Variants in CDK8 observed in about 807,000 individuals in gnomAD.
The protein encoded by CDK8 is cyclin-dependent kinase 8.
A neutral mutation model predicts 71.5 loss-of-function variants in CDK8; 29 were observed. The ratio of observed to expected loss-of-function variants is 0.41; its 90% confidence interval spans 0.30 to 0.55. The LOEUF is 0.55. CDK8 is among the 20% of genes least tolerant of loss of function. The probability of loss-of-function intolerance (pLI) is 0.37; values close to 1 mark genes in which losing one functional copy is unlikely to be tolerated. For synonymous variants in CDK8, 161 were observed against 192.1 expected, an observed-to-expected ratio of 0.84 and a Z score of 1.34; for missense variants, 288 against 572.6, an observed-to-expected ratio of 0.50 and a Z score of 5.07.
intron 1 of CDK8, among the ~76,000 whole-genome samples, chr13:26,311,042 CTTTTT>C (rs59128256): frequency 6.8e-4 from 93 of 136,044 alleles, no homozygotes; most frequent in Non-Finnish European, 9.0e-4. Context: ...GCACCAATCT[CTTTTT>C]TTTTTTTTTT....
chr13:26,331,638 T>C (rs2137964061), intron 1 of CDK8, among the ~76,000 whole-genome samples: 1 of 152,352 alleles, frequency 6.6e-6, no homozygotes, highest in South Asian at 2.1e-4. Context: ...TGTAGCTTTA[T>C]TGCTGAGTTC....
chr13:26,261,681 A>G (rs762662369), intron 1 of CDK8, among the ~76,000 whole-genome samples: 1 of 152,186 alleles, frequency 6.6e-6, no homozygotes, highest in African/African-American at 2.4e-5. Context: ...TTGTATAGAT[A>G]TACCACATTT....
At chr13:26,319,680 T>C (rs1593260953) in intron 1 of CDK8, among the ~76,000 whole-genome samples, 1 of 117,794 alleles carries the variant, frequency 8.5e-6, no homozygotes, top group African/African-American at 3.0e-5. Flanking sequence ...AAAATCCAAA[T>C]GGCTTTTTTT....
chr13:26,375,023 T>C (rs1874880463), intron 4 of CDK8, among the ~76,000 whole-genome samples: 3 of 152,150 alleles, frequency 2.0e-5, no homozygotes. Context: ...ATATAAATTA[T>C]GGTAAATTCA....
chr13:26,309,995 A>G (rs767110981), intron 1 of CDK8, among the ~76,000 whole-genome samples: 9 of 152,160 alleles, frequency 5.9e-5, no homozygotes, highest in Non-Finnish European at 1.0e-4. Context: ...ACCTCAGGTG[A>G]TCCACCTGCC....
chr13:26,393,996 A>G (rs1875872636), intron 7 of CDK8, among the ~76,000 whole-genome samples: 2 of 152,182 alleles, frequency 1.3e-5, no homozygotes, highest in Admixed American at 6.5e-5. Flanking sequence ...CTTCTCTTAG[A>G]ACAGTCACAA....
chr13:26,308,761 G>A (rs1874151780), intron 1 of CDK8, among the ~76,000 whole-genome samples: 1 of 152,140 alleles, frequency 6.6e-6, no homozygotes, highest in Non-Finnish European at 1.5e-5. Context: ...ACTGCTTCTA[G>A]TTCCTCACTT....
chr13:26,345,263 TACTC>T (rs1205583672), intron 2 of CDK8, among the ~76,000 whole-genome samples: 7 of 152,222 alleles, frequency 4.6e-5, no homozygotes, highest in African/African-American at 1.7e-4. Flanking sequence ...ATAACACTAT[TACTC>T]ACTACTCTGG....
intron 1 of CDK8, among the ~76,000 whole-genome samples, chr13:26,300,433 T>A (rs1021410530): frequency 7.9e-5 from 12 of 152,164 alleles, no homozygotes; most frequent in Non-Finnish European, 1.6e-4. Flanking sequence ...TTAAAACTTA[T>A]GAATTGTTTA....
intron 1 of CDK8, among the ~76,000 whole-genome samples, chr13:26,286,500 A>G (rs1261601497): frequency 6.6e-6 from 1 of 152,218 alleles, no homozygotes; most frequent in East Asian, 1.9e-4. Flanking sequence ...CTCACCTTAT[A>G]CAAAAATCAA....
intron 4 of CDK8, among the ~76,000 whole-genome samples, chr13:26,366,474 C>T (rs925600730): frequency 2.6e-5 from 4 of 151,984 alleles, no homozygotes; most frequent in South Asian, 2.1e-4. Flanking sequence ...AAGAAATGTT[C>T]GTTTATTAAA....
At chr13:26,293,955 C>A (rs1445534135) in intron 1 of CDK8, among the ~76,000 whole-genome samples, 3 of 152,130 alleles carry the variant, frequency 2.0e-5, no homozygotes, top group Non-Finnish European at 4.4e-5. Flanking sequence ...TGGTAACCAC[C>A]ATTCTACTCT....
At chr13:26,374,106 C>G (rs1874830815) in intron 4 of CDK8, among the ~76,000 whole-genome samples, 1 of 150,568 alleles carries the variant, frequency 6.6e-6, no homozygotes, top group Admixed American at 6.6e-5. Context: ...GAGGCTGAGG[C>G]AGGAGAATGG....
chr13:26,254,871 G>A lies in CDK8; in HGVS notation c.128+102G>A. 6.8e-7 allele frequency: 1 copy of A among 1,477,104 alleles called. No individual in the cohort carries two copies. Among genetic ancestry groups the A allele is most frequent in the South Asian group, 1.3e-5 (1 of 78,394 alleles). The allele number at this position is 1,477,104 out of a possible 1,614,324, so 91.5% of individuals were successfully genotyped here. On this transcript the variant is annotated intron_variant, in intron 1 of 12. Coordinates refer to ENST00000381527, the MANE Select transcript of CDK8 (RefSeq NM_001260.3). The surrounding 1 kb of genome is among the most constrained non-coding windows in gnomAD (Gnocchi z 6.7). The stretch of plus-strand genomic sequence containing the variant: ...GCGGGCCGCCGGGGTGCCGGGCTCT[G>A]ACTTCCTCGACGCCGGCCTCTGGCT...
At chr13:26,393,230 G>T in intron 6 of CDK8, 137 bp from the exon 7 acceptor site, 1 of 576,540 alleles carries the variant, frequency 1.7e-6, no homozygotes, top group East Asian at 2.9e-5. Flanking sequence ...GAGTTATTAG[G>T]GAAAGAAAGA....
Position 26,381,803 on chromosome 13 carries a change from T to G in CDK8, c.457-1011T>G, listed in dbSNP as rs376694639. 9.9e-5 allele frequency among the ~76,000 whole-genome samples: 15 copies of G among 152,228 alleles called. No homozygotes were observed. The South Asian group carries it at 1.9e-3, about 19-fold the overall frequency. ...CTATCTTTGGTAGGTGATAGGCTAG[T>G]ATACTACACATTAAACGTTGGCAGT... On this transcript the variant is annotated intron_variant, in intron 4 of 12. Coordinates refer to ENST00000381527, the MANE Select transcript of CDK8 (RefSeq NM_001260.3).
In CDK8 at chr13:26,254,656, T is replaced by C; in HGVS notation, c.15T>C (p.Phe5=). ...AGGCTGTGACAATGGACTATGACTTTAAAGTGAAGCTGAGCAGCGAGCGGG... is the reference window on the plus strand; with the variant it reads ...AGGCTGTGACAATGGACTATGACTTCAAAGTGAAGCTGAGCAGCGAGCGGG... The part of the protein sequence containing the change: MDYD[F]KVKLSSERER... Residue 5 remains phenylalanine (F), a synonymous_variant, in exon 1 of 13, where the codon TTT becomes TTC. Coordinates refer to ENST00000381527, the MANE Select transcript of CDK8 (RefSeq NM_001260.3). The surrounding 1 kb of genome is among the most constrained non-coding windows in gnomAD (Gnocchi z 6.7). 1 of 1,610,830 alleles carries C rather than the reference T, an allele frequency of 6.2e-7. No homozygotes were observed. Among genetic ancestry groups the C allele is most frequent in the Non-Finnish European group, 8.5e-7 (1 of 1,178,546 alleles).
chr13:26,364,556 C>T (rs544051292), intron 4 of CDK8, among the ~76,000 whole-genome samples: 43 of 152,192 alleles, frequency 2.8e-4, no homozygotes, highest in African/African-American at 1.0e-3. Context: ...AGGAAAGTTT[C>T]AGTTTCTTCC....
At position 26,322,813 on chromosome 13, in the gene CDK8, CTTG is replaced by C. The variant is rs139997130; in HGVS notation, c.129-14751_129-14749del. 6.5e-3 allele frequency among the ~76,000 whole-genome samples: 995 copies of C among 152,192 alleles called. 10 individuals carry two copies. The highest frequency in any genetic ancestry group is 0.021 in the African/African-American group (865 of 41,530). On this transcript the variant is annotated intron_variant, in intron 1 of 12. Transcript: ENST00000381527. The stretch of plus-strand genomic sequence containing the variant: ...GGTTTTTCTGAAAGTCTGATCAGGT[CTTG>C]TTAATTTTATTGTGTTTAACACTGT...
Sources: gnomAD v4.1 joint callset for allele counts (sites outside exome capture counted in the v4.1 genomes callset) on GRCh38, gnomAD v4.1.1 for gene constraint, Gnocchi (gnomAD v3.1) non-coding constraint, MANE v1.5 for transcripts, NCBI Gene and HGNC (gene_info 2026-07-23, HGNC 2026-07-21) for gene names.